Variants in FAU observed in about 807,000 individuals in gnomAD.
FAU encodes the protein ubiquitin-like FUBI-ribosomal protein eS30 fusion protein.
For synonymous variants in FAU, 70 were observed against 69.9 expected (o/e 1.00, Z -0.01); for missense variants, 125 against 173.9 (o/e 0.72, Z 1.58).
At position 65,120,680 on chromosome 11, in the gene FAU, C is replaced by T; in HGVS notation, c.*1G>A. On this transcript the variant is annotated 3_prime_UTR_variant, in exon 5 of 5. Transcript: ENST00000529639. Reference sequence around the variant, plus strand: ...TAGAGAAAGCCAGAATTACAAAAGACTTAAGAGTTGGCATTGGGGCCCTTC... The same window carrying T: ...TAGAGAAAGCCAGAATTACAAAAGATTTAAGAGTTGGCATTGGGGCCCTTC... 2.5e-6 allele frequency: 4 copies of T among 1,614,060 alleles called. No individual in the cohort carries two copies. Among genetic ancestry groups the T allele is most frequent in the Non-Finnish European group, 3.4e-6 (4 of 1,180,004 alleles).
chr11:65,122,128 G>A lies in FAU; in HGVS notation c.-47C>T. On this transcript the variant is annotated 5_prime_UTR_variant, in exon 1 of 5. Transcript: ENST00000529639. The stretch of plus-strand genomic sequence containing the variant: ...CCAGCTACCGCGAAGATGGAGTCGA[G>A]AAAGAGGAAGAAGCGAGGGCGCGTC... 3.3e-6 allele frequency: 2 copies of A among 603,836 alleles called. No homozygotes were observed. The highest frequency in any genetic ancestry group is 5.9e-6 in the Non-Finnish European group (2 of 341,094). 37.4% of individuals were successfully genotyped at this position (603,836 alleles called of 1,614,324 possible).
chr11:65,121,417 G>T (rs528987891), intron 3 of FAU, 83 bp downstream of exon 3: 5 of 1,504,302 alleles, frequency 3.3e-6, no homozygotes, highest in Non-Finnish European at 4.5e-6. Flanking sequence ...TACCATAGGT[G>T]TGACACTCAG....
At chr11:65,121,204 CCAGCTT>C in intron 3 of FAU, 168 bp from the exon 4 acceptor site, 1 of 815,314 alleles carries the variant, frequency 1.2e-6, no homozygotes, top group Non-Finnish European at 1.9e-6. Flanking sequence ...TCAGGATCTT[CCAGCTT>C]CTAATTTTAT....
chr11:65,121,276 G>A (rs1948044559), intron 3 of FAU: 2 of 740,522 alleles, frequency 2.7e-6, no homozygotes, highest in African/African-American at 3.6e-5. Context: ...CTGATAACCA[G>A]ACTAGGATCT....
At chr11:65,121,866 C>T (rs953704629) in intron 1 of FAU, 45 bp from the exon 2 acceptor site, 12 of 1,593,982 alleles carry the variant, frequency 7.5e-6, no homozygotes, top group South Asian at 3.3e-5. Context: ...AAGAAATGCT[C>T]TGGGATAAAG....
At chr11:65,121,121 A>T (rs1948042994) in intron 3 of FAU, 85 bp from the exon 4 acceptor site, 1 of 1,402,592 alleles carries the variant, frequency 7.1e-7, no homozygotes, top group African/African-American at 1.4e-5. Flanking sequence ...TCAAGCCTTT[A>T]AAGAGAAGCT....
intron 3 of FAU, 154 bp downstream of exon 3, chr11:65,121,346 A>G: frequency 9.5e-7 from 1 of 1,053,866 alleles, no homozygotes; most frequent in Non-Finnish European, 1.4e-6. Flanking sequence ...GTCTGTGTTC[A>G]ACATGAGGGA....
Position 65,120,693 on chromosome 11 carries a change from A to G in FAU, c.390T>C (p.Asn130=). The stretch of plus-strand genomic sequence containing the variant: ...AATTACAAAAGACTTAAGAGTTGGC[A>G]TTGGGGCCCTTCTTCTTGCCAAAGG... The part of the protein sequence containing the change: ...VPTFGKKKGP[N]ANS Residue 130 remains asparagine, a synonymous_variant, in exon 5 of 5, where the codon AAT becomes AAC. Transcript: ENST00000529639. 2 of 1,614,186 alleles carry G rather than the reference A, an allele frequency of 1.2e-6. No individual in the cohort carries two copies. The highest frequency in any genetic ancestry group is 1.7e-6 in the Non-Finnish European group (2 of 1,180,040).
chr11:65,120,888 G>A, intron 4 of FAU, 82 bp from the exon 5 acceptor site: 1 of 1,609,492 alleles, frequency 6.2e-7, no homozygotes, highest in Non-Finnish European at 8.5e-7. Flanking sequence ...CTCCAGGGAG[G>A]GAGAAGGCAA....
In FAU at chr11:65,121,800, A is replaced by G. The variant is rs778325266; in HGVS notation, c.14T>C (p.Val5Ala). Residue 5 changes from valine (V) to alanine (A), a missense_variant, in exon 2 of 5, where the codon GTC becomes GCC. Coordinates refer to ENST00000529639, the MANE Select transcript of FAU (RefSeq NM_001997.5). Reference protein sequence around the residue: MQLFVRAQELHTFEV... With the variant: MQLFARAQELHTFEV... ...GAAGGTGTGTAGCTCCTGGGCGCGGACAAAGAGCTGCATATTGGCGACTGA... is the reference window on the plus strand; with the variant it reads ...GAAGGTGTGTAGCTCCTGGGCGCGGGCAAAGAGCTGCATATTGGCGACTGA... The G allele has an allele frequency of 5.0e-6, 8 of 1,614,044 alleles. No homozygotes were observed. The South Asian group carries it at 6.6e-5, about 13-fold the overall frequency.
chr11:65,121,430 G>T (rs1013763098), intron 3 of FAU, 70 bp downstream of exon 3: 3 of 1,554,866 alleles, frequency 1.9e-6, no homozygotes, highest in Non-Finnish European at 1.7e-6. Context: ...ACACTCAGCT[G>T]TCAGGACTAT....
intron 3 of FAU, 122 bp downstream of exon 3, chr11:65,121,378 T>A: frequency 7.6e-7 from 1 of 1,322,764 alleles, no homozygotes; most frequent in Non-Finnish European, 1.0e-6. Flanking sequence ...AGAATCACTC[T>A]GAACTGAAGA....
rs761531813 is a variant in FAU, at chr11:65,121,722, G to A, written c.75+17C>T. The A allele has an allele frequency of 7.4e-6, 12 of 1,613,886 alleles. No homozygotes were observed. Among genetic ancestry groups the A allele is most frequent in the Admixed American group, 1.7e-5 (1 of 60,008 alleles). On this transcript the variant is annotated intron_variant, in intron 2 of 4. Coordinates refer to ENST00000529639, the MANE Select transcript of FAU (RefSeq NM_001997.5). ...AGCACAAGAAAATGGAACCCAGGGCGCACCAAGCAGCCTTACCTTGATCTG... is the reference window on the plus strand; with the variant it reads ...AGCACAAGAAAATGGAACCCAGGGCACACCAAGCAGCCTTACCTTGATCTG...
chr11:65,121,441 G>T, intron 3 of FAU, 59 bp downstream of exon 3: 1 of 1,577,444 alleles, frequency 6.3e-7, no homozygotes, highest in Non-Finnish European at 8.6e-7. Flanking sequence ...TCAGGACTAT[G>T]CACCCCACAC....
chr11:65,121,177 A>T (rs1948043524), intron 3 of FAU, 141 bp from the exon 4 acceptor site: 1 of 927,822 alleles, frequency 1.1e-6, no homozygotes, highest in Non-Finnish European at 1.7e-6. Flanking sequence ...TTTGACCTTG[A>T]AATCTTAAGT....
Position 65,121,838 on chromosome 11 carries a change from C to T in FAU, c.-8-17G>A, listed in dbSNP as rs770005144. 12 of 1,613,002 alleles carry T rather than the reference C, an allele frequency of 7.4e-6. No homozygotes were observed. Among genetic ancestry groups the T allele is most frequent in the Non-Finnish European group, 9.3e-6 (11 of 1,179,234 alleles). On this transcript the variant is annotated splice_polypyrimidine_tract_variant and intron_variant, in intron 1 of 4. Transcript: ENST00000529639. The stretch of plus-strand genomic sequence containing the variant: ...TATTGGCGACTGAGTAAAGAAAAGA[C>T]GGCTTGTAAGAGAAGCCAAGAAATG...
At chr11:65,121,205 C>CA (rs1948043774) in intron 3 of FAU, 169 bp from the exon 4 acceptor site, 3 of 814,278 alleles carry the variant, frequency 3.7e-6, no homozygotes, top group Non-Finnish European at 3.8e-6. Flanking sequence ...CAGGATCTTC[C>CA]AGCTTCTAAT....
chr11:65,122,123 G>A lies in FAU; in HGVS notation c.-42C>T, dbSNP rs968703948. 5.1e-5 allele frequency: 31 copies of A among 602,896 alleles called. No homozygotes were observed. The South Asian group carries it at 5.7e-4, about 11-fold the overall frequency. The allele number at this position is 602,896 out of a possible 1,614,324, so 37.3% of individuals were successfully genotyped here. ...CGGTCCCAGCTACCGCGAAGATGGA[G>A]TCGAGAAAGAGGAAGAAGCGAGGGC... On this transcript the variant is annotated 5_prime_UTR_variant, in exon 1 of 5. Transcript: ENST00000529639.
chr11:65,121,230 T>C (rs1948044070), intron 3 of FAU, 194 bp from the exon 4 acceptor site: 1 of 739,792 alleles, frequency 1.4e-6, no homozygotes, highest in African/African-American at 1.8e-5. Context: ...TAGAGCACTT[T>C]GGGGGCCCTG....
Sources: allele counts gnomAD v4.1 joint callset, GRCh38; gene constraint gnomAD v4.1.1; transcripts MANE v1.5; gene names NCBI Gene and HGNC (gene_info 2026-07-23, HGNC 2026-07-21).